Variants in MAP2K5 observed in about 807,000 individuals in gnomAD.
MAP2K5 encodes mitogen-activated protein kinase kinase 5.
A neutral mutation model predicts 83.1 loss-of-function variants in MAP2K5; 49 were observed. That is an observed-to-expected ratio of 0.59 (90% CI 0.47 to 0.75). The LOEUF (loss-of-function observed/expected upper bound fraction) is 0.75. Ranked by LOEUF, MAP2K5 falls within the 30% of genes least tolerant of loss-of-function variation. MAP2K5 has a pLI of 0.00. For synonymous variants in MAP2K5, 202 were observed against 191.8 expected (o/e 1.05, Z -0.44); for missense variants, 457 against 557.5 (o/e 0.82, Z 1.82).
chr15:67,622,764 G>A (rs950240158), intron 8 of MAP2K5, among the ~76,000 whole-genome samples: 6 of 152,140 alleles, frequency 3.9e-5, no homozygotes, highest in African/African-American at 1.4e-4. Flanking sequence ...AACATTTGAA[G>A]AGTAGGAGAA....
intron 8 of MAP2K5, among the ~76,000 whole-genome samples, chr15:67,614,868 C>G (rs983475562): frequency 3.3e-5 from 5 of 152,156 alleles, no homozygotes; most frequent in African/African-American, 9.7e-5. Context: ...CTAATCTAGC[C>G]AAGTTCCCTA....
intron 17 of MAP2K5, among the ~76,000 whole-genome samples, chr15:67,744,317 A>G (rs1181969586): frequency 2.0e-5 from 3 of 152,284 alleles, no homozygotes; most frequent in Non-Finnish European, 2.9e-5. Context: ...TGATGCCAGT[A>G]GCACAACAAA....
At chr15:67,703,315 G>T in intron 15 of MAP2K5, 22 bp from the exon 16 acceptor site, 1 of 1,593,048 alleles carries the variant, frequency 6.3e-7, no homozygotes. Flanking sequence ...CCACTCACAG[G>T]CTCCCTTCTG....
intron 3 of MAP2K5, among the ~76,000 whole-genome samples, chr15:67,570,754 T>C (rs1263390432): frequency 6.6e-6 from 1 of 152,260 alleles, no homozygotes; most frequent in Non-Finnish European, 1.5e-5. Flanking sequence ...AAATTAACTA[T>C]GGACTGCAAA....
At position 67,775,559 on chromosome 15, in the gene MAP2K5, C is replaced by G. The variant is rs538787382; in HGVS notation, c.1242+2807C>G. 1.3e-5 allele frequency among the ~76,000 whole-genome samples: 2 copies of G among 152,290 alleles called. No individual in the cohort carries two copies. Among genetic ancestry groups the G allele is most frequent in the South Asian group, 4.1e-4 (2 of 4,826 alleles). On this transcript the variant is annotated intron_variant, in intron 21 of 21. Transcript: ENST00000178640. This position sits in a 1 kb window ranked among gnomAD's most constrained non-coding sequence, Gnocchi z 5.3. ...ATTGTGCACAGTCTTGTTCTAGACT[C>G]AGCAGAAGATATAAAGTAGAGGAAG... is the stretch of plus-strand genomic sequence containing the variant.
At position 67,801,269 on chromosome 15, in the gene MAP2K5, C is replaced by T. The variant is rs147913817; in HGVS notation, c.1243-5377C>T. On this transcript the variant is annotated intron_variant, in intron 21 of 21. Transcript: ENST00000178640. The surrounding 1 kb of genome is among the most constrained non-coding windows in gnomAD (Gnocchi z 4.8). Reference sequence around the variant, plus strand: ...GTGGGTTGGCATGTGGAGGTCCCTTCGGCCTCTCAAATCACCATTTACAGG... The same window carrying T: ...GTGGGTTGGCATGTGGAGGTCCCTTTGGCCTCTCAAATCACCATTTACAGG... Among the ~76,000 whole-genome samples, 13 of 152,326 alleles carry T rather than the reference C, an allele frequency of 8.5e-5. No individual in the cohort carries two copies. The highest frequency in any genetic ancestry group is 2.6e-4 in the African/African-American group (11 of 41,574).
chr15:67,630,551 C>T (rs1350281209), intron 8 of MAP2K5, among the ~76,000 whole-genome samples: 1 of 152,142 alleles, frequency 6.6e-6, no homozygotes, highest in African/African-American at 2.4e-5. Context: ...GGATCTGGAG[C>T]CAAAAGACCT....
At chr15:67,579,317 T>C (rs1339873441) in intron 3 of MAP2K5, among the ~76,000 whole-genome samples, 2 of 152,242 alleles carry the variant, frequency 1.3e-5, no homozygotes, top group Admixed American at 1.3e-4. Flanking sequence ...TTGTTAACAG[T>C]TATTGCTGTC....
At chr15:67,656,326 AT>A (rs11411357) in intron 11 of MAP2K5, among the ~76,000 whole-genome samples, 1,882 of 143,360 alleles carry the variant, frequency 0.013, 31 homozygotes, top group African/African-American at 0.045. Context: ...AAACCTTTTA[AT>A]TTTTTTTTTT....
intron 9 of MAP2K5, among the ~76,000 whole-genome samples, chr15:67,631,912 C>T (rs776104353): frequency 6.6e-6 from 1 of 151,912 alleles, no homozygotes; most frequent in Non-Finnish European, 1.5e-5. Flanking sequence ...GCTTGCCTTG[C>T]CCCCAACCTT....
At position 67,802,437 on chromosome 15, in the gene MAP2K5, C is replaced by T. The variant is rs998664741; in HGVS notation, c.1243-4209C>T. Among the ~76,000 whole-genome samples, 8 of 152,252 alleles carry T rather than the reference C, an allele frequency of 5.3e-5. No homozygotes were observed. The highest frequency in any genetic ancestry group is 4.6e-4 in the Admixed American group (7 of 15,290). On this transcript the variant is annotated intron_variant, in intron 21 of 21. Coordinates refer to ENST00000178640, the MANE Select transcript of MAP2K5 (RefSeq NM_145160.3). This position sits in a 1 kb window ranked among gnomAD's most constrained non-coding sequence, Gnocchi z 5.0. ...TGTCCCACTTTTGGAGTCATCCTGCCTCTGGCAGCCCTGTTCTTTTCCCTT... is the reference window on the plus strand; with the variant it reads ...TGTCCCACTTTTGGAGTCATCCTGCTTCTGGCAGCCCTGTTCTTTTCCCTT...
chr15:67,715,107 C>T (rs941785930), intron 16 of MAP2K5, among the ~76,000 whole-genome samples: 1 of 152,112 alleles, frequency 6.6e-6, no homozygotes, highest in Non-Finnish European at 1.5e-5. Flanking sequence ...TGTCATGGGT[C>T]CTCCCCTCCC....
chr15:67,751,283 C>T (rs142786548), intron 19 of MAP2K5, among the ~76,000 whole-genome samples: 1 of 152,138 alleles, frequency 6.6e-6, no homozygotes, highest in Admixed American at 6.5e-5. Context: ...GAGAATTGAG[C>T]TCCAATCAGA....
rs193233659 is a variant in MAP2K5, at chr15:67,584,816, C to A, written c.323-1074C>A. ...GCCTCACGACATTCTCCTGCCTCAGCCTCCCGAGTAGCTGGGACTACAGGC... is the reference window on the plus strand; with the variant it reads ...GCCTCACGACATTCTCCTGCCTCAGACTCCCGAGTAGCTGGGACTACAGGC... On this transcript the variant is annotated intron_variant, in intron 4 of 21. Coordinates refer to ENST00000178640, the MANE Select transcript of MAP2K5 (RefSeq NM_145160.3). 6.8e-4 allele frequency among the ~76,000 whole-genome samples: 103 copies of A among 151,514 alleles called. No individual in the cohort carries two copies. The East Asian group carries it at 0.019, about 28-fold the overall frequency.
At chr15:67,725,485 G>C (rs978879659) in intron 16 of MAP2K5, among the ~76,000 whole-genome samples, 1 of 152,194 alleles carries the variant, frequency 6.6e-6, no homozygotes, top group African/African-American at 2.4e-5. Flanking sequence ...TTTAGATCTT[G>C]ACTATATGTG....
In MAP2K5 at chr15:67,577,477, A is replaced by G. The variant is rs1027640695; in HGVS notation, c.253-3277A>G. 2.6e-5 allele frequency among the ~76,000 whole-genome samples: 4 copies of G among 152,190 alleles called. No homozygotes were observed. The highest frequency in any genetic ancestry group is 4.4e-5 in the Non-Finnish European group (3 of 68,034). ...TGAAGTTATTTGGATAACTTGAAGT[A>G]ATATTATGAAGGTTACTTTGTTACA... is the stretch of plus-strand genomic sequence containing the variant. On this transcript the variant is annotated intron_variant, in intron 3 of 21. Coordinates refer to ENST00000178640, the MANE Select transcript of MAP2K5 (RefSeq NM_145160.3). The surrounding 1 kb of genome is among the most constrained non-coding windows in gnomAD (Gnocchi z 4.1).
chr15:67,568,176 A>G (rs1332130328), intron 3 of MAP2K5, among the ~76,000 whole-genome samples: 2 of 152,076 alleles, frequency 1.3e-5, no homozygotes, highest in East Asian at 3.8e-4. Context: ...CATACATTTT[A>G]CTGTAGTGCC....
intron 3 of MAP2K5, among the ~76,000 whole-genome samples, chr15:67,568,072 T>A (rs2084877188): frequency 6.6e-6 from 1 of 152,218 alleles, no homozygotes; most frequent in Admixed American, 6.5e-5. Flanking sequence ...GAGGCTTGTG[T>A]GAGTAGAACA....
intron 8 of MAP2K5, among the ~76,000 whole-genome samples, chr15:67,626,769 A>G (rs991598049): frequency 1.3e-5 from 2 of 151,074 alleles, no homozygotes; most frequent in Non-Finnish European, 3.0e-5. Flanking sequence ...GCATGGTGGT[A>G]TACTCCTGTA....
Sources: allele counts gnomAD v4.1 joint callset (sites outside exome capture counted in the v4.1 genomes callset), GRCh38; gene constraint gnomAD v4.1.1; non-coding constraint Gnocchi (gnomAD v3.1); transcripts MANE v1.5; gene names NCBI Gene and HGNC (gene_info 2026-07-23, HGNC 2026-07-21).